IL1RAPL1: variants seen among roughly 807,000 people sequenced by gnomAD.
The protein encoded by IL1RAPL1 is interleukin 1 receptor accessory protein like 1, also known as interleukin-1 receptor accessory protein-like 1.
Under a neutral mutation model 48.4 loss-of-function variants are expected in IL1RAPL1, and 3 were observed. The ratio of observed to expected loss-of-function variants is 0.06; its 90% CI spans 0.03 to 0.16. The LOEUF is 0.16. IL1RAPL1 is among the 10% of genes least tolerant of loss of function. The pLI is 1.00. For synonymous variants in IL1RAPL1, 185 were observed against 187.7 expected, an observed-to-expected ratio of 0.99 and a Z score of 0.12; for missense variants, 349 against 530.6, an observed-to-expected ratio of 0.66 and a Z score of 3.36.
At chrX:29,830,607 G>A (rs1401446644) in intron 6 of IL1RAPL1, among the ~76,000 whole-genome samples, 1 of 109,904 alleles carries the variant, frequency 9.1e-6, no homozygotes, top group Non-Finnish European at 1.9e-5. Context: ...CCGCCACCAC[G>A]CCTGGCTGAT....
chrX:29,454,575 T>G (rs1934716879), intron 5 of IL1RAPL1, among the ~76,000 whole-genome samples: 2 of 111,001 alleles, frequency 1.8e-5, no homozygotes, highest in Admixed American at 1.9e-4. Flanking sequence ...AAGCACAAAT[T>G]TATAACAGCA....
rs142775215 is a variant in IL1RAPL1, at chrX:29,198,809, G to A, written c.83-84129G>A. Among the ~76,000 whole-genome samples, 730 of 111,422 alleles carry A rather than the reference G, an allele frequency of 6.6e-3. 5 individuals carry two copies. The highest frequency in any genetic ancestry group is 0.022 in the African/African-American group (666 of 30,621). ...GTTATCCACTGAAACGAAATCTCTT[G>A]GTGTGGGATCTGTATTTTTAAAAAA... is the stretch of plus-strand genomic sequence containing the variant. On this transcript the variant is annotated intron_variant, in intron 2 of 10. Coordinates refer to ENST00000378993, the MANE Select transcript of IL1RAPL1 (RefSeq NM_014271.4).
At chrX:29,953,687 T>C (rs1933358098) in intron 9 of IL1RAPL1, among the ~76,000 whole-genome samples, 1 of 111,828 alleles carries the variant, frequency 8.9e-6, no homozygotes, top group Admixed American at 9.5e-5. Flanking sequence ...TCCATCCCAA[T>C]ATGCAAGAAC....
chrX:29,777,929 T>TGTTTTCATTTATACTATTGTATAAATA (rs1162008387), intron 6 of IL1RAPL1, among the ~76,000 whole-genome samples: 1,533 of 109,464 alleles, frequency 0.014, 47 homozygotes, highest in African/African-American at 0.048. Flanking sequence ...AAATTAATCT[T>TGTTTTCATTTATACTATTGTATAAATA]GTTTTCATTT....
chrX:28,928,658 A>G (rs1225110018), intron 2 of IL1RAPL1, among the ~76,000 whole-genome samples: 1 of 111,925 alleles, frequency 8.9e-6, no homozygotes, highest in African/African-American at 3.2e-5. Flanking sequence ...ACTTTCTCAG[A>G]AATCTTAATT....
At chrX:29,912,728 A>C (rs1272457377) in intron 6 of IL1RAPL1, among the ~76,000 whole-genome samples, 2 of 112,318 alleles carry the variant, frequency 1.8e-5, no homozygotes, top group Non-Finnish European at 3.8e-5. Flanking sequence ...GAGACTATAA[A>C]ATGGAATATG....
chrX:28,969,565 A>G (rs1407737812), intron 2 of IL1RAPL1, among the ~76,000 whole-genome samples: 1 of 109,187 alleles, frequency 9.2e-6, no homozygotes, highest in African/African-American at 3.3e-5. Context: ...AATCCTATCT[A>G]TTCATGTACA....
intron 2 of IL1RAPL1, among the ~76,000 whole-genome samples, chrX:28,816,250 A>G (rs1936870677): frequency 9.1e-6 from 1 of 109,582 alleles, no homozygotes; most frequent in Non-Finnish European, 1.9e-5. Flanking sequence ...AAGTAATTTT[A>G]ACCTTTATTT....
At chrX:29,632,800 G>A (rs1420317204) in intron 5 of IL1RAPL1, among the ~76,000 whole-genome samples, 1 of 111,039 alleles carries the variant, frequency 9.0e-6, no homozygotes, top group Non-Finnish European at 1.9e-5. Context: ...AATATTGAAC[G>A]AATTTACAGA....
intron 6 of IL1RAPL1, among the ~76,000 whole-genome samples, chrX:29,801,877 T>C (rs1929914817): frequency 8.9e-6 from 1 of 111,981 alleles, no homozygotes; most frequent in African/African-American, 3.2e-5. Flanking sequence ...CCTGTTAAAG[T>C]TTTTATACCA....
intron 8 of IL1RAPL1, among the ~76,000 whole-genome samples, chrX:29,935,254 C>T (rs180735490): frequency 9.0e-6 from 1 of 111,061 alleles, no homozygotes; most frequent in Non-Finnish European, 1.9e-5. Flanking sequence ...CATTTTTCCC[C>T]AGTGAGGAGG....
intron 8 of IL1RAPL1, among the ~76,000 whole-genome samples, chrX:29,932,000 G>T (rs959073670): frequency 2.8e-4 from 31 of 112,421 alleles, no homozygotes; most frequent in African/African-American, 9.0e-4. Context: ...CATCAGTGAA[G>T]TTTGACACCT....
chrX:28,681,347 A>G (rs982684930), intron 1 of IL1RAPL1, among the ~76,000 whole-genome samples: 4 of 111,500 alleles, frequency 3.6e-5, no homozygotes, highest in African/African-American at 1.3e-4. Flanking sequence ...AAAAGAAGGA[A>G]ACCCATTTTC....
chrX:28,760,200 G>T (rs1414822720), intron 1 of IL1RAPL1, among the ~76,000 whole-genome samples: 1 of 111,302 alleles, frequency 9.0e-6, no homozygotes, highest in Non-Finnish European at 1.9e-5. Context: ...AAACAAAAAT[G>T]CTTTGTTTAT....
intron 6 of IL1RAPL1, among the ~76,000 whole-genome samples, chrX:29,817,603 A>G (rs1437162291): frequency 1.8e-5 from 2 of 111,927 alleles, no homozygotes; most frequent in Non-Finnish European, 3.8e-5. Flanking sequence ...CAATAAGCAA[A>G]GATAACAGCA....
Position 28,763,686 on chromosome X carries a change from C to G in IL1RAPL1, c.-24-25634C>G, listed in dbSNP as rs774378923. Among the ~76,000 whole-genome samples the G allele has an allele frequency of 2.7e-5, 3 of 111,113 alleles. No individual in the cohort carries two copies. In the Admixed American group the frequency reaches 2.9e-4, roughly 11 times the overall value. On this transcript the variant is annotated intron_variant, in intron 1 of 10. Transcript: ENST00000378993. ...CAGCATGAACTAGGAGTCTCTAGTC[C>G]TATGTTATGTCAGTTTTTCTCAATG...
At chrX:28,722,315 C>G (rs755741934) in intron 1 of IL1RAPL1, among the ~76,000 whole-genome samples, 7 of 111,273 alleles carry the variant, frequency 6.3e-5, no homozygotes, top group African/African-American at 2.3e-4. Flanking sequence ...CTTCACATCC[C>G]TTGTAAGTTG....
At chrX:29,311,980 T>G (rs753375987) in intron 3 of IL1RAPL1, among the ~76,000 whole-genome samples, 109 of 112,105 alleles carry the variant, frequency 9.7e-4, no homozygotes, top group African/African-American at 3.2e-3. Flanking sequence ...TTGAGTTATA[T>G]CTAATGGGAC....
chrX:29,450,724 T>C (rs1934669725), intron 5 of IL1RAPL1, among the ~76,000 whole-genome samples: 1 of 112,023 alleles, frequency 8.9e-6, no homozygotes, highest in Admixed American at 9.5e-5. Context: ...ACCGTTCCTA[T>C]TAATATTTAA....
Sources: allele counts gnomAD v4.1 joint callset (sites outside exome capture counted in the v4.1 genomes callset), GRCh38; gene constraint gnomAD v4.1.1; transcripts MANE v1.5; gene names NCBI Gene and HGNC (gene_info 2026-07-23, HGNC 2026-07-21).